KLHL1: variants seen among roughly 807,000 people sequenced by gnomAD.
KLHL1 encodes the protein kelch like family member 1.
A neutral mutation model predicts 77.7 loss-of-function variants in KLHL1; 47 were observed. The observed-to-expected ratio is 0.60, with a 90% CI of 0.48 to 0.77. KLHL1 has a LOEUF of 0.77. Ranked by LOEUF, KLHL1 falls within the 30% of genes least tolerant of loss-of-function variation. The probability of loss-of-function intolerance (pLI) is 0.00; values close to 1 mark genes in which losing one functional copy is unlikely to be tolerated. For synonymous variants in KLHL1, 360 were observed against 325.2 expected (o/e 1.11, Z -1.15); for missense variants, 925 against 910.8 (o/e 1.02, Z -0.20).
chr13:70,077,004 A>C (rs180874896), intron 1 of KLHL1, among the ~76,000 whole-genome samples: 7 of 152,086 alleles, frequency 4.6e-5, no homozygotes, highest in Non-Finnish European at 1.5e-5. Context: ...GAGAAACTGG[A>C]ACTGTCATTC....
At chr13:69,769,794 T>G (rs1324813922) in intron 7 of KLHL1, among the ~76,000 whole-genome samples, 1 of 152,056 alleles carries the variant, frequency 6.6e-6, no homozygotes, top group Non-Finnish European at 1.5e-5. Flanking sequence ...AATTCTTCCC[T>G]GCCTTGCTCA....
At chr13:69,764,725 A>G (rs1299554153) in intron 7 of KLHL1, among the ~76,000 whole-genome samples, 1 of 151,960 alleles carries the variant, frequency 6.6e-6, no homozygotes, top group African/African-American at 2.4e-5. Context: ...AATGCAGAAT[A>G]CCTCTCAACA....
intron 1 of KLHL1, among the ~76,000 whole-genome samples, chr13:69,978,889 G>T (rs1227469621): frequency 6.6e-6 from 1 of 151,850 alleles, no homozygotes; most frequent in African/African-American, 2.4e-5. Context: ...AGTTGTGGTG[G>T]GTGTACTATT....
chr13:69,919,008 T>A (rs1882538546), intron 4 of KLHL1, among the ~76,000 whole-genome samples: 1 of 152,134 alleles, frequency 6.6e-6, no homozygotes, highest in Non-Finnish European at 1.5e-5. Context: ...CCTGTGAAAT[T>A]TTAGAAAGTG....
intron 2 of KLHL1, among the ~76,000 whole-genome samples, chr13:69,965,937 G>T (rs1376057973): frequency 2.6e-5 from 4 of 152,144 alleles, no homozygotes; most frequent in Non-Finnish European, 4.4e-5. Context: ...TACAAAGTTG[G>T]CAGAAGTTAG....
intron 7 of KLHL1, among the ~76,000 whole-genome samples, chr13:69,751,108 GTGTA>G (rs1227180754): frequency 3.5e-4 from 46 of 132,812 alleles, no homozygotes; most frequent in African/African-American, 1.3e-3. Flanking sequence ...CATGTCATGT[GTGTA>G]TGTGTGTGTG....
At chr13:69,795,248 C>T (rs977889197) in intron 7 of KLHL1, among the ~76,000 whole-genome samples, 1 of 152,164 alleles carries the variant, frequency 6.6e-6, no homozygotes, top group Non-Finnish European at 1.5e-5. Context: ...CCTTTTCTCT[C>T]TCTTCCCCCA....
At chr13:69,866,453 A>G (rs1378750738) in intron 5 of KLHL1, among the ~76,000 whole-genome samples, 1 of 152,162 alleles carries the variant, frequency 6.6e-6, no homozygotes, top group Non-Finnish European at 1.5e-5. Flanking sequence ...TTTACCATTA[A>G]GAATCCCAAA....
At chr13:70,087,676 T>G (rs1487061962) in intron 1 of KLHL1, among the ~76,000 whole-genome samples, 1 of 152,122 alleles carries the variant, frequency 6.6e-6, no homozygotes, top group Non-Finnish European at 1.5e-5. Flanking sequence ...CTGGGGCTGC[T>G]GGGATTTAAA....
chr13:69,777,283 T>A (rs1319447188), intron 7 of KLHL1, among the ~76,000 whole-genome samples: 2 of 152,176 alleles, frequency 1.3e-5, no homozygotes, highest in Non-Finnish European at 2.9e-5. Context: ...AGGTATTTCT[T>A]CATAGCAATA....
intron 1 of KLHL1, among the ~76,000 whole-genome samples, chr13:70,009,547 C>T (rs9572333): frequency 6.6e-6 from 1 of 151,890 alleles, no homozygotes; most frequent in Admixed American, 6.6e-5. Context: ...ATTCTACTAC[C>T]TTCCAGCGAT....
At chr13:69,917,083 T>C (rs1882470253) in intron 4 of KLHL1, among the ~76,000 whole-genome samples, 1 of 152,010 alleles carries the variant, frequency 6.6e-6, no homozygotes, top group South Asian at 2.1e-4. Context: ...TATGTATAAA[T>C]ATATATGTAT....
chr13:69,981,401 T>A lies in KLHL1; in HGVS notation c.498-5599A>T, dbSNP rs1217375881. The stretch of plus-strand genomic sequence containing the variant: ...TTTGAAAGCAGTTTTTTTTTCTAAG[T>A]GATAAGAGTTAGCTTTTGTTTTGAG... On this transcript the variant is annotated intron_variant, in intron 1 of 10. Coordinates refer to ENST00000377844, the MANE Select transcript of KLHL1 (RefSeq NM_020866.3). Among the ~76,000 whole-genome samples, 5 of 152,018 alleles carry A rather than the reference T, an allele frequency of 3.3e-5. No homozygotes were observed. The South Asian group carries it at 6.2e-4, about 19-fold the overall frequency.
intron 6 of KLHL1, among the ~76,000 whole-genome samples, chr13:69,822,537 A>T (rs1231415997): frequency 6.6e-6 from 1 of 152,192 alleles, no homozygotes; most frequent in Non-Finnish European, 1.5e-5. Context: ...ACATGAAGTC[A>T]TTACTTATTT....
chr13:69,956,071 T>G (rs1235608499), intron 3 of KLHL1, among the ~76,000 whole-genome samples: 1 of 137,940 alleles, frequency 7.2e-6, no homozygotes, highest in African/African-American at 2.7e-5. Context: ...ATATATTTAT[T>G]TGATATATAT....
At chr13:70,008,200 A>G (rs1885450017) in intron 1 of KLHL1, among the ~76,000 whole-genome samples, 1 of 152,080 alleles carries the variant, frequency 6.6e-6, no homozygotes. Context: ...AAGGAAAATC[A>G]GGTTGTCATA....
chr13:70,060,337 A>C (rs1886847815), intron 1 of KLHL1, among the ~76,000 whole-genome samples: 1 of 152,190 alleles, frequency 6.6e-6, no homozygotes, highest in Non-Finnish European at 1.5e-5. Flanking sequence ...TAGTACAACC[A>C]CTATAGAGAA....
intron 3 of KLHL1, among the ~76,000 whole-genome samples, chr13:69,960,259 G>A (rs78001762): frequency 7.8e-4 from 118 of 150,816 alleles, no homozygotes; most frequent in African/African-American, 2.8e-3. Flanking sequence ...TCTTCACAAT[G>A]TCACCTCTTG....
At chr13:70,077,141 T>C (rs1203449980) in intron 1 of KLHL1, among the ~76,000 whole-genome samples, 1 of 151,966 alleles carries the variant, frequency 6.6e-6, no homozygotes, top group East Asian at 1.9e-4. Flanking sequence ...TCAAACGAGT[T>C]GAAAACATGG....
Sources: gnomAD v4.1 joint callset for allele counts (sites outside exome capture counted in the v4.1 genomes callset) on GRCh38, gnomAD v4.1.1 for gene constraint, MANE v1.5 for transcripts, NCBI Gene and HGNC (gene_info 2026-07-23, HGNC 2026-07-21) for gene names.